NAV2: variants seen among roughly 807,000 people sequenced by gnomAD.
NAV2 encodes the protein helicase, APC down-regulated 1.
NAV2 carries 54 observed loss-of-function variants against 223.2 expected under a neutral mutation model. The observed-to-expected ratio is 0.24, with a 90% CI of 0.19 to 0.30. The LOEUF (loss-of-function observed/expected upper bound fraction) is 0.30. Among genes scored for constraint, NAV2 ranks in the 10% least tolerant of loss-of-function variants. NAV2 has a pLI of 1.00. For missense variants in NAV2, 2,806 were observed against 3,147.5 expected, an observed-to-expected ratio of 0.89 and a Z score of 2.60; for synonymous variants, 1,279 against 1,239.3, an observed-to-expected ratio of 1.03 and a Z score of -0.67.
At chr11:19,718,659 G>A (rs1207059766) in intron 1 of NAV2, among the ~76,000 whole-genome samples, 1 of 151,726 alleles carries the variant, frequency 6.6e-6, no homozygotes, top group East Asian at 1.9e-4. Context: ...TTCTTGGAGG[G>A]GAATGTATAG....
rs866569478 is a variant in NAV2 at position 19,657,878 on chromosome 11, G to A, written c.76-174606G>A. Reference sequence around the variant, plus strand: ...GATAGGAGCAGCTCATCAGAGCAGGGACAGAGGTATGGGGAGATAAAGACT... The same window carrying A: ...GATAGGAGCAGCTCATCAGAGCAGGAACAGAGGTATGGGGAGATAAAGACT... On this transcript the variant is annotated intron_variant, in intron 1 of 37. Coordinates refer to the NAV2 transcript ENST00000360655. Among the ~76,000 whole-genome samples the A allele has an allele frequency of 8.5e-5, 13 of 152,224 alleles. No individual in the cohort carries two copies. The South Asian group carries it at 2.1e-3, about 24-fold the overall frequency.
chr11:19,643,782 CA>C (rs2047735028), intron 1 of NAV2, among the ~76,000 whole-genome samples: 1 of 152,196 alleles, frequency 6.6e-6, no homozygotes, highest in African/African-American at 2.4e-5. Flanking sequence ...GTCCCACCAA[CA>C]GTGTAAAAGT....
chr11:19,798,620 G>A (rs1366230622), intron 1 of NAV2, among the ~76,000 whole-genome samples: 2 of 152,152 alleles, frequency 1.3e-5, no homozygotes, highest in Non-Finnish European at 2.9e-5. Context: ...CTCGACTTTG[G>A]AAGCCTGAGT....
chr11:19,603,164 T>A (rs965810876), intron 1 of NAV2, among the ~76,000 whole-genome samples: 4 of 152,172 alleles, frequency 2.6e-5, no homozygotes, highest in Admixed American at 6.5e-5. Context: ...GGTCCACTGG[T>A]GGTTCTCGAG....
chr11:19,586,283 AT>A (rs543994351), intron 1 of NAV2, among the ~76,000 whole-genome samples: 1,528 of 151,772 alleles, frequency 0.01, 15 homozygotes, highest in South Asian at 0.039. Context: ...CATTTTTCTA[AT>A]TTTTTTTCAA....
chr11:20,073,600 C>T (rs1292666548), intron 22 of NAV2, among the ~76,000 whole-genome samples: 6 of 152,116 alleles, frequency 3.9e-5, no homozygotes, highest in African/African-American at 1.4e-4. Flanking sequence ...TTAATTGCTG[C>T]CTCAATGTCA....
intron 1 of NAV2, among the ~76,000 whole-genome samples, chr11:19,701,213 TG>T (rs1225886872): frequency 6.6e-6 from 1 of 151,886 alleles, no homozygotes; most frequent in Non-Finnish European, 1.5e-5. Flanking sequence ...TGGGGGTTGG[TG>T]GGGGGTCTGC....
intron 1 of NAV2, among the ~76,000 whole-genome samples, chr11:19,686,070 T>C (rs185778581): frequency 4.5e-4 from 68 of 152,242 alleles, no homozygotes; most frequent in African/African-American, 1.5e-3. Flanking sequence ...TACAAGCCTA[T>C]TCTCCAGGTC....
At chr11:19,563,583 A>G (rs1484969618) in intron 1 of NAV2, among the ~76,000 whole-genome samples, 3 of 152,230 alleles carry the variant, frequency 2.0e-5, no homozygotes, top group African/African-American at 7.2e-5. Flanking sequence ...ACCAGAATTC[A>G]CCAATGTGCT....
chr11:19,622,303 G>T (rs1025008680), intron 1 of NAV2, among the ~76,000 whole-genome samples: 7 of 152,140 alleles, frequency 4.6e-5, no homozygotes, highest in African/African-American at 7.2e-5. Context: ...TCAATTCCTG[G>T]ATATCCTTTT....
At chr11:20,023,724 G>GTA (rs1554902411) in intron 11 of NAV2, among the ~76,000 whole-genome samples, 145 of 152,024 alleles carry the variant, frequency 9.5e-4, no homozygotes, top group African/African-American at 3.4e-3. Context: ...GTGTGTGTGT[G>GTA]TGTGTGTGTG....
chr11:20,118,038 G>A, intron 37 of NAV2, 95 bp from the exon 38 acceptor site: 1 of 1,432,520 alleles, frequency 7.0e-7, no homozygotes, highest in Non-Finnish European at 9.5e-7. Context: ...TGTTATCCCA[G>A]GTGAGTCTGG....
At position 19,386,592 on chromosome 11, in the gene NAV2, T is replaced by A. The variant is rs138964650; in HGVS notation, c.75+35565T>A. 2.2e-3 allele frequency among the ~76,000 whole-genome samples: 341 copies of A among 152,278 alleles called. 3 individuals carry two copies. Among genetic ancestry groups the A allele is most frequent in the Admixed American group, 5.0e-3 (77 of 15,300 alleles). On this transcript the variant is annotated intron_variant, in intron 1 of 37. Coordinates refer to the NAV2 transcript ENST00000360655. The stretch of plus-strand genomic sequence containing the variant: ...AAGTTCACGTTTGGACTGGTACAGC[T>A]TTTAGTGTAACTTCTACCCAAGGAT...
chr11:19,689,036 G>C (rs1012719339), intron 1 of NAV2, among the ~76,000 whole-genome samples: 2 of 152,198 alleles, frequency 1.3e-5, no homozygotes, highest in Non-Finnish European at 2.9e-5. Flanking sequence ...TATAAGGAGA[G>C]CTCTGCACAT....
chr11:20,110,271 G>A (rs2062507497), intron 36 of NAV2, among the ~76,000 whole-genome samples: 1 of 152,214 alleles, frequency 6.6e-6, no homozygotes, highest in African/African-American at 2.4e-5. Flanking sequence ...TGGCTCAAAA[G>A]TGAGTCACTA....
chr11:19,530,016 T>TC (rs1379470545), intron 1 of NAV2, among the ~76,000 whole-genome samples: 3 of 152,078 alleles, frequency 2.0e-5, no homozygotes, highest in Non-Finnish European at 4.4e-5. Flanking sequence ...CTGTCTCCCT[T>TC]CCCCCAGTGG....
At chr11:19,431,418 T>A (rs939858757) in intron 1 of NAV2, among the ~76,000 whole-genome samples, 2 of 152,136 alleles carry the variant, frequency 1.3e-5, no homozygotes, top group Non-Finnish European at 2.9e-5. Context: ...TGCTGAGAAA[T>A]GAGACCAACC....
intron 21 of NAV2, 27 bp from the exon 22 acceptor site, chr11:20,068,297 T>C (rs745834547): frequency 1.2e-6 from 2 of 1,612,696 alleles, no homozygotes; most frequent in Non-Finnish European, 1.7e-6. Flanking sequence ...CCCCAAAGCA[T>C]GTAACCCTCT....
chr11:19,439,706 T>G (rs1851333489), intron 1 of NAV2, among the ~76,000 whole-genome samples: 1 of 152,254 alleles, frequency 6.6e-6, no homozygotes, highest in East Asian at 1.9e-4. Context: ...AGAAATACAT[T>G]TTTATGAATG....
Sources: gnomAD v4.1 joint callset for allele counts (sites outside exome capture counted in the v4.1 genomes callset) on GRCh38, gnomAD v4.1.1 for gene constraint, MANE v1.5 for transcripts, NCBI Gene and HGNC (gene_info 2026-07-23, HGNC 2026-07-21) for gene names.